ZFPM1: variants seen among roughly 807,000 people sequenced by gnomAD.
The protein encoded by ZFPM1 is zinc finger protein, FOG family member 1, also known as zinc finger protein ZFPM1.
In ZFPM1, 28 loss-of-function variants were observed where a neutral mutation model predicts 46.3. The observed-to-expected ratio is 0.60, with a 90% CI of 0.45 to 0.83. ZFPM1 has a LOEUF of 0.83. Ranked by LOEUF, ZFPM1 falls within the 40% of genes least tolerant of loss-of-function variation. The pLI, the probability that ZFPM1 is intolerant of heterozygous loss-of-function variation, is 0.00. For synonymous variants in ZFPM1, 957 were observed against 675.9 expected, an observed-to-expected ratio of 1.42 and a Z score of -6.45; for missense variants, 1,878 against 1,432.4, an observed-to-expected ratio of 1.31 and a Z score of -5.02.
intron 1 of ZFPM1, among the ~76,000 whole-genome samples, 160 bp downstream of exon 1, chr16:88,453,838 C>G (rs1437917839): frequency 1.3e-5 from 2 of 151,686 alleles, no homozygotes; most frequent in African/African-American, 2.4e-5. Flanking sequence ...GTAATCTAAT[C>G]TCCGCCGGCG....
Position 88,533,779 on chromosome 16 carries a change from G to A in ZFPM1, c.1821G>A (p.Glu607=), listed in dbSNP as rs760260931. ...ACTGTTCAGGCCGCCGTGCGCCCGA[G>A]GACGCGCCTGCCGCGCGCAGGCCCA... is the stretch of plus-strand genomic sequence containing the variant. The part of the protein sequence containing the change: ...RLYCSGRRAP[E]DAPAARRPKA... Residue 607 remains glutamate (E), a synonymous_variant, in exon 10 of 10, where the codon GAG becomes GAA. Coordinates refer to ENST00000319555, the MANE Select transcript of ZFPM1 (RefSeq NM_153813.3). 58 of 1,375,016 alleles carry A rather than the reference G, an allele frequency of 4.2e-5. No homozygotes were observed. The highest frequency in any genetic ancestry group is 3.9e-4 in the Admixed American group (13 of 33,564). 85.2% of individuals were successfully genotyped at this position (1,375,016 alleles called of 1,614,324 possible).
At chr16:88,501,866 T>C (rs1443130359) in intron 3 of ZFPM1, among the ~76,000 whole-genome samples, 2 of 152,046 alleles carry the variant, frequency 1.3e-5, no homozygotes, top group African/African-American at 4.8e-5. Context: ...CTGTTTGCCA[T>C]GGGATCAACC....
intron 2 of ZFPM1, 39 bp downstream of exon 2, chr16:88,486,082 G>T: frequency 6.3e-7 from 1 of 1,577,394 alleles, no homozygotes; most frequent in South Asian, 1.1e-5. Flanking sequence ...CCTCCAGCCG[G>T]GGCCTCCATT....
intron 1 of ZFPM1, among the ~76,000 whole-genome samples, chr16:88,476,300 C>T (rs1449844167): frequency 6.6e-6 from 1 of 152,222 alleles, no homozygotes; most frequent in Admixed American, 6.5e-5. Flanking sequence ...CCAGCCACAC[C>T]CCACCAGCCT....
chr16:88,532,358 C>A, intron 7 of ZFPM1, 123 bp downstream of exon 7: 1 of 1,075,868 alleles, frequency 9.3e-7, no homozygotes, highest in Non-Finnish European at 1.3e-6. Flanking sequence ...TGCGCGGTCT[C>A]CGGCACACCC....
intron 2 of ZFPM1, among the ~76,000 whole-genome samples, chr16:88,488,404 T>C (rs1382961255): frequency 6.6e-6 from 1 of 152,232 alleles, no homozygotes. Context: ...GCAGGAGCTG[T>C]CTGCCGCTTG....
At chr16:88,490,792 C>G (rs763957671) in intron 3 of ZFPM1, among the ~76,000 whole-genome samples, 1 of 152,202 alleles carries the variant, frequency 6.6e-6, no homozygotes, top group Non-Finnish European at 1.5e-5. Flanking sequence ...GCTGGGGCCT[C>G]ATGGCCACCG....
At chr16:88,460,905 TGGTGAGGA>T (rs1907791775) in intron 1 of ZFPM1, among the ~76,000 whole-genome samples, 1 of 123,012 alleles carries the variant, frequency 8.1e-6, no homozygotes, top group Non-Finnish European at 1.7e-5. Context: ...ATGGGAGGCC[TGGTGAGGA>T]CCGAGGGGCG....
chr16:88,485,107 A>G (rs932603507), intron 1 of ZFPM1, among the ~76,000 whole-genome samples: 2 of 152,202 alleles, frequency 1.3e-5, no homozygotes, highest in African/African-American at 2.4e-5. Flanking sequence ...AGGGAAGTGC[A>G]CGGGGACTGG....
chr16:88,511,176 G>A (rs563745159), intron 3 of ZFPM1, among the ~76,000 whole-genome samples: 31 of 152,296 alleles, frequency 2.0e-4, no homozygotes, highest in Admixed American at 5.2e-4. Context: ...CAGAGCTGTC[G>A]GTGCCGGTGG....
At chr16:88,452,519 G>A (rs1456923687), upstream of ZFPM1, among the ~76,000 whole-genome samples, 1 of 152,242 alleles carries the variant, frequency 6.6e-6, no homozygotes, top group East Asian at 1.9e-4. Context: ...AGCTCACAGG[G>A]GAAGACCCGA....
chr16:88,507,064 C>T (rs28584853), intron 3 of ZFPM1, among the ~76,000 whole-genome samples: 25,693 of 152,098 alleles, frequency 0.17, 2,390 homozygotes, highest in East Asian at 0.29. Context: ...TATCTGTGAA[C>T]GGGGAAGGGG....
intron 6 of ZFPM1, among the ~76,000 whole-genome samples, chr16:88,530,112 C>T (rs1242855636): frequency 6.6e-6 from 1 of 152,134 alleles, no homozygotes; most frequent in South Asian, 2.1e-4. Context: ...GAGGCCATTG[C>T]ACCCCTCCAC....
At position 88,487,284 on chromosome 16, in the gene ZFPM1, C is replaced by T. The variant is rs192338310; in HGVS notation, c.145+1241C>T. Among the ~76,000 whole-genome samples the T allele has an allele frequency of 3.3e-5, 5 of 152,302 alleles. No homozygotes were observed. In the South Asian group the frequency reaches 1.0e-3, roughly 32 times the overall value. On this transcript the variant is annotated intron_variant, in intron 2 of 9. Coordinates refer to ENST00000319555, the MANE Select transcript of ZFPM1 (RefSeq NM_153813.3). ...TGGGGTGGGCTCCACCCAGCTCCCCCACACTCCACTTGCAGCCCCAGGCAC... is the reference window on the plus strand; with the variant it reads ...TGGGGTGGGCTCCACCCAGCTCCCCTACACTCCACTTGCAGCCCCAGGCAC...
intron 1 of ZFPM1, among the ~76,000 whole-genome samples, chr16:88,464,153 C>T (rs1055488068): frequency 9.9e-5 from 15 of 152,184 alleles, no homozygotes; most frequent in Non-Finnish European, 1.8e-4. Flanking sequence ...CTGGGTGCCG[C>T]GTCTCAAGGA....
chr16:88,534,109 G>A lies in ZFPM1; in HGVS notation c.2151G>A (p.Pro717=). The change falls in exon 10 of 10, where the codon CCG becomes CCA. Residue 717 remains proline, a synonymous_variant. Transcript: ENST00000319555. The stretch of plus-strand genomic sequence containing the variant: ...GCCACGACCCGCCGCCGCGCCGACC[G>A]GCCGCGCCCCCGGGACCCCCTGGGC... ...ASRHDPPPRR[P]AAPPGPPGPA... is the part of the protein sequence containing the mutation. The A allele has an allele frequency of 8.8e-7, 1 of 1,140,576 alleles. No homozygotes were observed. The highest frequency in any genetic ancestry group is 1.8e-5 in the South Asian group (1 of 56,824). The allele number at this position is 1,140,576 out of a possible 1,614,324, so 70.7% of individuals were successfully genotyped here. A position where few individuals can be genotyped will look rare whatever the true frequency, so the allele number is the denominator to read the frequency against.
At position 88,528,102 on chromosome 16, in the gene ZFPM1, C is replaced by G; in HGVS notation, c.576C>G (p.Ala192=). The G allele has an allele frequency of 6.3e-7, 1 of 1,581,196 alleles. No homozygotes were observed. Among genetic ancestry groups the G allele is most frequent in the Non-Finnish European group, 8.6e-7 (1 of 1,164,554 alleles). Residue 192 remains alanine (A), a synonymous_variant, in exon 6 of 10, where the codon GCC becomes GCG. Transcript: ENST00000319555. ...GACTCCTGAGCGTGCTCCTCACGGCCGAGCCCCACAGCACCCCCGGCCACC... is the reference window on the plus strand; with the variant it reads ...GACTCCTGAGCGTGCTCCTCACGGCGGAGCCCCACAGCACCCCCGGCCACC... The part of the protein sequence containing the change: ...AGGLLSVLLT[A]EPHSTPGHPV...
At chr16:88,528,884 G>A (rs1322962677) in intron 6 of ZFPM1, among the ~76,000 whole-genome samples, 1 of 152,190 alleles carries the variant, frequency 6.6e-6, no homozygotes, top group Non-Finnish European at 1.5e-5. Flanking sequence ...ATGGCCGTAT[G>A]TCCCTGGGGA....
At chr16:88,495,338 G>A (rs1258525484) in intron 3 of ZFPM1, among the ~76,000 whole-genome samples, 1 of 152,240 alleles carries the variant, frequency 6.6e-6, no homozygotes, top group Non-Finnish European at 1.5e-5. Context: ...CCCTCCCCTG[G>A]AACAGGCCTC....
Sources: gnomAD v4.1 joint callset for allele counts (sites outside exome capture counted in the v4.1 genomes callset) on GRCh38, gnomAD v4.1.1 for gene constraint, MANE v1.5 for transcripts, NCBI Gene and HGNC (gene_info 2026-07-23, HGNC 2026-07-21) for gene names.